Variants in PDE1C observed in about 807,000 individuals in gnomAD.
The protein encoded by PDE1C is dual specificity calcium/calmodulin-dependent 3',5'-cyclic nucleotide phosphodiesterase 1C.
Under a neutral mutation model 93.1 loss-of-function variants are expected in PDE1C, and 62 were observed. The ratio of observed to expected loss-of-function variants is 0.67; its 90% CI spans 0.54 to 0.82. PDE1C has a LOEUF of 0.82. PDE1C is among the 40% of genes least tolerant of loss of function. The probability of loss-of-function intolerance (pLI) is 0.00; values close to 1 mark genes in which losing one functional copy is unlikely to be tolerated. For missense variants in PDE1C, 742 were observed against 884.6 expected (o/e 0.84, Z 2.04); for synonymous variants, 325 against 310.1 (o/e 1.05, Z -0.50).
chr7:32,264,867 T>C (rs2128882327), intron 1 of PDE1C, among the ~76,000 whole-genome samples: 1 of 152,358 alleles, frequency 6.6e-6, no homozygotes, highest in Non-Finnish European at 1.5e-5. Context: ...CTCCTTTCCT[T>C]TTCAAGAAGG....
rs575943195 is a variant in PDE1C, at chr7:31,851,441, T to C, written c.751-700A>G. ...CAGCAATCTGTGCTTTACCAAGCCA[T>C]CTAGATAGTTCTGATGCACACTAGA... On this transcript the variant is annotated intron_variant, in intron 7 of 17. Transcript: ENST00000396191. Among the ~76,000 whole-genome samples, 10 of 152,318 alleles carry C rather than the reference T, an allele frequency of 6.6e-5. No homozygotes were observed. The East Asian group carries it at 1.9e-3, about 29-fold the overall frequency.
At chr7:31,863,231 G>T (rs917558188) in intron 7 of PDE1C, among the ~76,000 whole-genome samples, 3 of 152,146 alleles carry the variant, frequency 2.0e-5, no homozygotes, top group African/African-American at 7.2e-5. Flanking sequence ...TTTAAAAACT[G>T]CTGGGAATGT....
At chr7:32,155,406 T>C (rs1338059010) in intron 3 of PDE1C, among the ~76,000 whole-genome samples, 2 of 152,212 alleles carry the variant, frequency 1.3e-5, no homozygotes, top group Non-Finnish European at 2.9e-5. Flanking sequence ...CAATCTCTAG[T>C]CAGGTTAGCT....
intron 2 of PDE1C, among the ~76,000 whole-genome samples, chr7:32,207,400 C>G (rs1166643115): frequency 6.6e-6 from 1 of 152,024 alleles, no homozygotes; most frequent in Non-Finnish European, 1.5e-5. Flanking sequence ...CCCAATCTTC[C>G]CAAACTGAAC....
intron 3 of PDE1C, among the ~76,000 whole-genome samples, chr7:32,143,659 G>C (rs1800661728): frequency 6.6e-6 from 1 of 152,086 alleles, no homozygotes; most frequent in Non-Finnish European, 1.5e-5. Flanking sequence ...TCTGCCCACA[G>C]CCAAAGCTCA....
At chr7:31,869,749 A>G (rs1218763498) in intron 6 of PDE1C, among the ~76,000 whole-genome samples, 1 of 152,122 alleles carries the variant, frequency 6.6e-6, no homozygotes, top group Non-Finnish European at 1.5e-5. Flanking sequence ...TTTAAACTTC[A>G]CATTAGACCA....
chr7:31,901,405 T>C (rs975782301), intron 2 of PDE1C, among the ~76,000 whole-genome samples: 5 of 151,326 alleles, frequency 3.3e-5, no homozygotes, highest in African/African-American at 1.2e-4. Flanking sequence ...CCAAAGTATA[T>C]ATCTAGGAAA....
intron 3 of PDE1C, among the ~76,000 whole-genome samples, chr7:32,169,537 C>A (rs1234677986): frequency 6.6e-6 from 1 of 152,162 alleles, no homozygotes; most frequent in Non-Finnish European, 1.5e-5. Flanking sequence ...TCCTCTACCT[C>A]AGCATTTAAA....
intron 1 of PDE1C, among the ~76,000 whole-genome samples, chr7:32,427,039 A>C (rs1484064841): frequency 6.6e-6 from 1 of 152,218 alleles, no homozygotes; most frequent in Non-Finnish European, 1.5e-5. Flanking sequence ...TCCCACTTGC[A>C]CAAAACAGGA....
In PDE1C at chr7:31,775,461, T is replaced by C. The variant is rs183801788; in HGVS notation, c.1960+203A>G. On this transcript the variant is annotated intron_variant, in intron 17 of 17. Transcript: ENST00000396191. The stretch of plus-strand genomic sequence containing the variant: ...TTCTTTCCATAGGTGAGGGGGACGA[T>C]TGTGAACCAATTATAGAAATATTTA... Among the ~76,000 whole-genome samples, 262 of 152,240 alleles carry C rather than the reference T, an allele frequency of 1.7e-3. 1 individual carries two copies. Among genetic ancestry groups the C allele is most frequent in the African/African-American group, 6.0e-3 (251 of 41,536 alleles).
intron 2 of PDE1C, among the ~76,000 whole-genome samples, chr7:32,016,496 G>A (rs1787926366): frequency 6.6e-6 from 1 of 152,072 alleles, no homozygotes; most frequent in African/African-American, 2.4e-5. Context: ...ATTTCTTCTA[G>A]AGGAATTTTT....
At chr7:32,043,245 T>C (rs1255699329) in intron 2 of PDE1C, among the ~76,000 whole-genome samples, 1 of 152,178 alleles carries the variant, frequency 6.6e-6, no homozygotes, top group Non-Finnish European at 1.5e-5. Context: ...GTCTGAAATC[T>C]GCCTTTAAAG....
At chr7:32,263,275 A>C (rs1810342977) in intron 1 of PDE1C, among the ~76,000 whole-genome samples, 1 of 152,180 alleles carries the variant, frequency 6.6e-6, no homozygotes, top group Non-Finnish European at 1.5e-5. Flanking sequence ...AGATTCACCT[A>C]CTATTAACAT....
intron 1 of PDE1C, among the ~76,000 whole-genome samples, chr7:32,320,203 T>A (rs983283334): frequency 3.3e-5 from 5 of 152,226 alleles, no homozygotes. Flanking sequence ...TGCAGTATAT[T>A]TTTACAATGA....
chr7:32,051,431 C>G, intron 2 of PDE1C, 123 bp downstream of exon 2: 1 of 909,434 alleles, frequency 1.1e-6, no homozygotes, highest in Non-Finnish European at 1.8e-6. Context: ...AGATAAAGCA[C>G]GCAACATGCT....
intron 3 of PDE1C, among the ~76,000 whole-genome samples, chr7:32,098,977 C>A (rs1043614276): frequency 6.6e-6 from 1 of 152,056 alleles, no homozygotes; most frequent in African/African-American, 2.4e-5. Flanking sequence ...GTAGTTAATG[C>A]CACTGAATTG....
intron 1 of PDE1C, among the ~76,000 whole-genome samples, chr7:32,395,731 A>G (rs1784829653): frequency 6.6e-6 from 1 of 152,262 alleles, no homozygotes; most frequent in African/African-American, 2.4e-5. Flanking sequence ...GTTGTTTTAC[A>G]GACTCTTGAT....
At chr7:31,926,771 T>A (rs1935771624) in intron 2 of PDE1C, among the ~76,000 whole-genome samples, 1 of 152,308 alleles carries the variant, frequency 6.6e-6, no homozygotes, top group Middle Eastern at 3.4e-3. Context: ...GATGCTATGC[T>A]TTTCCCATGG....
the PDE1C span, chr7:31,658,180 G>A: frequency 1.7e-6 from 2 of 1,160,010 alleles, no homozygotes; most frequent in Non-Finnish European, 2.3e-6. Flanking sequence ...GTAGATTTGT[G>A]TAAGGATATT....
Sources: gnomAD v4.1 joint callset for allele counts (sites outside exome capture counted in the v4.1 genomes callset) on GRCh38, gnomAD v4.1.1 for gene constraint, MANE v1.5 for transcripts, NCBI Gene and HGNC (gene_info 2026-07-23, HGNC 2026-07-21) for gene names.